PKP1: variants seen among roughly 807,000 people sequenced by gnomAD.
PKP1 encodes the protein plakophilin-1.
Under a neutral mutation model 76.4 loss-of-function variants are expected in PKP1, and 27 were observed. The ratio of observed to expected loss-of-function variants is 0.35; its 90% CI spans 0.26 to 0.49. The LOEUF (loss-of-function observed/expected upper bound fraction) is 0.49. Among genes scored for constraint, PKP1 ranks in the 20% least tolerant of loss-of-function variants. PKP1 has a pLI of 0.99. For synonymous variants in PKP1, 404 were observed against 384.2 expected (o/e 1.05, Z -0.60); for missense variants, 964 against 955.2 (o/e 1.01, Z -0.12).
intron 6 of PKP1, among the ~76,000 whole-genome samples, chr1:201,319,394 C>A (rs890680028): frequency 6.6e-6 from 1 of 152,118 alleles, no homozygotes; most frequent in African/African-American, 2.4e-5. Flanking sequence ...GGAGCAGGAT[C>A]CCTTTTAGGG....
chr1:201,305,265 C>T (rs1656340826), intron 2 of PKP1, among the ~76,000 whole-genome samples: 1 of 152,214 alleles, frequency 6.6e-6, no homozygotes, highest in Non-Finnish European at 1.5e-5. Flanking sequence ...CACCTGTAAT[C>T]CCAGCACTCT....
intron 1 of PKP1, among the ~76,000 whole-genome samples, chr1:201,285,604 T>G (rs1655709076): frequency 6.6e-6 from 1 of 152,206 alleles, no homozygotes. Flanking sequence ...CAGCTCAACC[T>G]ACTCTCCTCT....
intron 2 of PKP1, among the ~76,000 whole-genome samples, chr1:201,301,832 A>G (rs1039114459): frequency 1.4e-4 from 22 of 152,148 alleles, no homozygotes; most frequent in African/African-American, 4.8e-4. Context: ...AGACAAAACA[A>G]CAGCACAAGA....
intron 7 of PKP1, among the ~76,000 whole-genome samples, chr1:201,321,552 T>C (rs184717436): frequency 6.6e-6 from 1 of 152,194 alleles, no homozygotes; most frequent in Non-Finnish European, 1.5e-5. Context: ...GCATGGGGCT[T>C]CTTCTGGAGG....
chr1:201,317,644 G>T lies in PKP1; in HGVS notation c.919G>T (p.Ala307Ser), dbSNP rs142112484. 4.0e-5 allele frequency: 64 copies of T among 1,613,886 alleles called. No individual in the cohort carries two copies. Among genetic ancestry groups the T allele is most frequent in the Non-Finnish European group, 5.2e-5 (61 of 1,180,020 alleles). The part of the protein sequence containing the change: ...RSPNQNVQQA[A>S]AGALRNLVFR... ...CCCCAACCAGAACGTCCAGCAGGCCGCGGCAGGGGCCCTGCGCAACCTGGT... is the reference window on the plus strand; with the variant it reads ...CCCCAACCAGAACGTCCAGCAGGCCTCGGCAGGGGCCCTGCGCAACCTGGT... The change falls in exon 5 of 14, where the codon GCG becomes TCG. Residue 307 changes from alanine to serine, a missense_variant. Coordinates refer to ENST00000367324, the MANE Select transcript of PKP1 (RefSeq NM_001005337.3).
In PKP1 at chr1:201,317,622, C is replaced by T. The variant is rs762833593; in HGVS notation, c.897C>T (p.Pro299=). 6.2e-7 allele frequency: 1 copy of T among 1,614,108 alleles called. No homozygotes were observed. Among genetic ancestry groups the T allele is most frequent in the Admixed American group, 1.7e-5 (1 of 60,012 alleles). Residue 299 remains proline (P), a synonymous_variant, in exon 5 of 14, where the codon CCC becomes CCT. Coordinates refer to ENST00000367324, the MANE Select transcript of PKP1 (RefSeq NM_001005337.3). The part of the protein sequence containing the change: ...ICKLVDLLRS[P]NQNVQQAAAG... ...AGCTGGTGGACCTCCTCCGCAGCCC[C>T]AACCAGAACGTCCAGCAGGCCGCGG...
intron 12 of PKP1, chr1:201,328,461 T>C: frequency 2.2e-6 from 1 of 447,034 alleles, no homozygotes; most frequent in South Asian, 2.1e-5. Flanking sequence ...TTTTGATTGT[T>C]GCTCTGTTTA....
At chr1:201,325,533 C>A (rs1242823157) in intron 11 of PKP1, among the ~76,000 whole-genome samples, 1 of 152,006 alleles carries the variant, frequency 6.6e-6, no homozygotes, top group Non-Finnish European at 1.5e-5. Flanking sequence ...TGAGGAGAGT[C>A]CTGGGGTGCT....
At chr1:201,311,287 G>A (rs1050002094) in intron 2 of PKP1, among the ~76,000 whole-genome samples, 1 of 152,196 alleles carries the variant, frequency 6.6e-6, no homozygotes, top group Non-Finnish European at 1.5e-5. Flanking sequence ...CAGATGCTCA[G>A]AAAATTGCCC....
intron 1 of PKP1, among the ~76,000 whole-genome samples, chr1:201,292,298 A>G (rs941632652): frequency 6.6e-6 from 1 of 152,178 alleles, no homozygotes; most frequent in Non-Finnish European, 1.5e-5. Flanking sequence ...TATGGGAGGT[A>G]AGAGGCCAAC....
chr1:201,306,090 A>T (rs772733682), intron 2 of PKP1, among the ~76,000 whole-genome samples: 8 of 152,244 alleles, frequency 5.3e-5, no homozygotes, highest in Non-Finnish European at 1.2e-4. Flanking sequence ...GGAAACAGAC[A>T]GGTCTGTGTA....
intron 2 of PKP1, among the ~76,000 whole-genome samples, chr1:201,305,347 G>A (rs931543887): frequency 6.6e-6 from 1 of 152,174 alleles, no homozygotes; most frequent in South Asian, 2.1e-4. Context: ...GGGGGACCCT[G>A]TCTCATAAAA....
At position 201,324,415 on chromosome 1, in the gene PKP1, CCTT is replaced by C. The variant is rs768743737; in HGVS notation, c.1681-10_1681-8del. The C allele has an allele frequency of 1.2e-6, 2 of 1,614,048 alleles. No individual in the cohort carries two copies. The highest frequency in any genetic ancestry group is 1.7e-5 in the Admixed American group (1 of 60,030). On this transcript the variant is annotated splice_polypyrimidine_tract_variant and intron_variant, in intron 9 of 13. Coordinates refer to ENST00000367324, the MANE Select transcript of PKP1 (RefSeq NM_001005337.3). ...GCCACAGGCTAGCTCATCATCTACT[CCTT>C]CTCTCTTAGATGTCCAGTGGCATGA...
chr1:201,316,811 G>T, intron 4 of PKP1, 114 bp downstream of exon 4: 2 of 1,161,104 alleles, frequency 1.7e-6, no homozygotes, highest in Admixed American at 3.8e-5. Context: ...CTCTTGCCTT[G>T]CCCAGCTGCC....
At position 201,317,768 on chromosome 1, in the gene PKP1, A is replaced by G; in HGVS notation, c.1043A>G (p.Lys348Arg). The change falls in exon 5 of 14, where the codon AAG (lysine) becomes AGG (arginine). Residue 348 changes from lysine (K) to arginine (R), a missense_variant. Physicochemically the swap from Lys to Arg is conservative, Grantham distance 26. Transcript: ENST00000367324. ...LRRTGNAEIQ[K>R]QLTGLLWNLS... ...AGAACCGGGAACGCCGAGATCCAGA[A>G]GCAGCTGACTGGTAGGACAACACGG... is the stretch of plus-strand genomic sequence containing the variant. 6.2e-7 allele frequency: 1 copy of G among 1,613,380 alleles called. No homozygotes were observed. The highest frequency in any genetic ancestry group is 8.5e-7 in the Non-Finnish European group (1 of 1,179,808).
In PKP1 at chr1:201,283,671, C is replaced by A. The variant is rs961694284; in HGVS notation, c.-32C>A. 2 of 1,597,254 alleles carry A rather than the reference C, an allele frequency of 1.3e-6. No homozygotes were observed. Among genetic ancestry groups the A allele is most frequent in the African/African-American group, 1.3e-5 (1 of 74,442 alleles). On this transcript the variant is annotated 5_prime_UTR_variant, in exon 1 of 14. Coordinates refer to ENST00000367324, the MANE Select transcript of PKP1 (RefSeq NM_001005337.3). ...CGCCTCGCCTCTCTGCTCTCCTAGGCCCCGGCCGCGCGCCACCCGCCTCCC... is the reference window on the plus strand; with the variant it reads ...CGCCTCGCCTCTCTGCTCTCCTAGGACCCGGCCGCGCGCCACCCGCCTCCC...
chr1:201,299,902 G>C (rs906776136), intron 2 of PKP1, among the ~76,000 whole-genome samples: 1 of 152,182 alleles, frequency 6.6e-6, no homozygotes, highest in Non-Finnish European at 1.5e-5. Context: ...GGGTTCCTTC[G>C]GCAGTGCCTG....
At chr1:201,325,916 G>A in intron 12 of PKP1, 78 bp downstream of exon 12, 1 of 1,099,010 alleles carries the variant, frequency 9.1e-7, no homozygotes, top group Non-Finnish European at 1.4e-6. Flanking sequence ...CTGGGCTCTG[G>A]GCTGGGCACT....
At chr1:201,300,649 G>T (rs1035081527) in intron 2 of PKP1, among the ~76,000 whole-genome samples, 2 of 152,230 alleles carry the variant, frequency 1.3e-5, no homozygotes, top group African/African-American at 4.8e-5. Flanking sequence ...AGACTAGATG[G>T]TGGCTCAGAC....
Sources: allele counts gnomAD v4.1 joint callset (sites outside exome capture counted in the v4.1 genomes callset), GRCh38; gene constraint gnomAD v4.1.1; transcripts MANE v1.5; gene names NCBI Gene and HGNC (gene_info 2026-07-23, HGNC 2026-07-21).